The following ANK3 variants were observed in gnomAD, a reference collection of about 807,000 sequenced individuals.
The protein encoded by ANK3 is ankyrin-3.
ANK3 carries 57 observed loss-of-function variants against 370.9 expected under a neutral mutation model. The ratio of observed to expected loss-of-function variants is 0.15; its 90% CI spans 0.12 to 0.19. ANK3 has a LOEUF of 0.19. Among genes scored for constraint, ANK3 ranks in the 10% least tolerant of loss-of-function variants. The pLI is 1.00. For synonymous variants in ANK3, 1,929 were observed against 1,946.3 expected, an observed-to-expected ratio of 0.99 and a Z score of 0.23; for missense variants, 4,439 against 5,302.1, an observed-to-expected ratio of 0.84 and a Z score of 5.06.
intron 2 of ANK3, among the ~76,000 whole-genome samples, chr10:60,540,192 T>A (rs1595236976): frequency 6.6e-6 from 1 of 152,002 alleles, no homozygotes; most frequent in South Asian, 2.1e-4. Context: ...GTTGATCTTG[T>A]TAAATGCTTG....
chr10:60,084,853 G>A (rs2086261847), intron 31 of ANK3, 23 bp from the exon 32 acceptor site: 1 of 1,480,192 alleles, frequency 6.8e-7, no homozygotes, highest in Non-Finnish European at 9.0e-7. Flanking sequence ...AAAAACAGAA[G>A]TATGAAAATG....
At chr10:60,316,585 G>A (rs556749913) in intron 1 of ANK3, among the ~76,000 whole-genome samples, 1 of 152,058 alleles carries the variant, frequency 6.6e-6, no homozygotes, top group South Asian at 2.1e-4. Context: ...TATAAAGTAG[G>A]CACTCAACAA....
intron 1 of ANK3, among the ~76,000 whole-genome samples, chr10:60,709,057 T>C (rs1389217581): frequency 6.6e-6 from 1 of 152,168 alleles, no homozygotes; most frequent in African/African-American, 2.4e-5. Flanking sequence ...CAATTCATTG[T>C]GTCTGGCTAT....
At chr10:60,676,880 A>G (rs2079132689) in intron 1 of ANK3, among the ~76,000 whole-genome samples, 1 of 152,230 alleles carries the variant, frequency 6.6e-6, no homozygotes, top group Non-Finnish European at 1.5e-5. Flanking sequence ...CAAAACAGCT[A>G]AAAGAGAAGA....
At position 60,071,937 on chromosome 10, in the gene ANK3, G is replaced by C. The variant is rs1472479657; in HGVS notation, c.8944C>G (p.Gln2982Glu). 1 of 1,614,036 alleles carries C rather than the reference G, an allele frequency of 6.2e-7. No homozygotes were observed. The highest frequency in any genetic ancestry group is 8.5e-7 in the Non-Finnish European group (1 of 1,179,992). The change falls in exon 37 of 44, where the codon CAG (glutamine) becomes GAG (glutamate). Residue 2982 changes from glutamine (Q) to glutamate (E), a missense_variant. Physicochemically the swap from Gln to Glu is conservative, Grantham distance 29. Transcript: ENST00000280772. The part of the protein sequence containing the change: ...SSNIPDGFCE[Q>E]SAFPKHELSQ... Reference sequence around the variant, plus strand: ...AGTTCATGTTTTGGAAATGCCGACTGTTCACAAAAACCATCGGGAATATTA... The same window carrying C: ...AGTTCATGTTTTGGAAATGCCGACTCTTCACAAAAACCATCGGGAATATTA...
chr10:60,565,232 A>G (rs1439914816), intron 2 of ANK3, among the ~76,000 whole-genome samples: 1 of 152,186 alleles, frequency 6.6e-6, no homozygotes, highest in Non-Finnish European at 1.5e-5. Flanking sequence ...TGGTTTCAGG[A>G]TGAAACTGTT....
intron 2 of ANK3, among the ~76,000 whole-genome samples, chr10:60,586,490 C>A (rs114945006): frequency 6.6e-6 from 1 of 152,192 alleles, no homozygotes; most frequent in African/African-American, 2.4e-5. Flanking sequence ...ATGGAAGATA[C>A]TATACCTTGA....
chr10:60,194,036 G>A (rs1348958353), intron 16 of ANK3, among the ~76,000 whole-genome samples: 2 of 151,964 alleles, frequency 1.3e-5, no homozygotes, highest in African/African-American at 4.8e-5. Flanking sequence ...CAGGAGAATC[G>A]CTTGAACCCA....
intron 8 of ANK3, among the ~76,000 whole-genome samples, chr10:60,224,278 A>G (rs2097104888): frequency 1.3e-5 from 2 of 152,154 alleles, no homozygotes; most frequent in Admixed American, 6.5e-5. Context: ...TCACATAATG[A>G]ACAAGTTTCC....
intron 23 of ANK3, among the ~76,000 whole-genome samples, chr10:60,157,886 A>C (rs200733097): frequency 7.5e-6 from 1 of 132,770 alleles, no homozygotes; most frequent in Non-Finnish European, 1.6e-5. Context: ...GAGAGAGAAA[A>C]AGAGAGAGAG....
intron 28 of ANK3, among the ~76,000 whole-genome samples, chr10:60,104,673 T>C (rs2091921523): frequency 6.6e-6 from 1 of 152,198 alleles, no homozygotes; most frequent in Non-Finnish European, 1.5e-5. Context: ...ATTACTATTC[T>C]CCCTCTACCT....
intron 2 of ANK3, among the ~76,000 whole-genome samples, chr10:60,411,375 T>G (rs1255138335): frequency 6.6e-6 from 1 of 152,234 alleles, no homozygotes; most frequent in Non-Finnish European, 1.5e-5. Flanking sequence ...TTAAGCCAGA[T>G]GAAGTTGTTG....
chr10:60,119,731 C>T (rs556521422), intron 25 of ANK3, among the ~76,000 whole-genome samples: 54 of 152,124 alleles, frequency 3.5e-4, no homozygotes, highest in African/African-American at 1.1e-3. Context: ...GAGATCGTGC[C>T]GTTGCACTCT....
chr10:60,046,567 T>C (rs1172553344), intron 42 of ANK3, among the ~76,000 whole-genome samples: 1 of 152,112 alleles, frequency 6.6e-6, no homozygotes, highest in Admixed American at 6.5e-5. Flanking sequence ...TTGACTTAGA[T>C]TCATTGACTT....
intron 27 of ANK3, among the ~76,000 whole-genome samples, chr10:60,106,576 G>A (rs1188268768): frequency 6.6e-6 from 1 of 151,852 alleles, no homozygotes; most frequent in Non-Finnish European, 1.5e-5. Context: ...TTCATGGCCT[G>A]TACAGTTAAG....
intron 2 of ANK3, among the ~76,000 whole-genome samples, chr10:60,598,596 G>A (rs746556778): frequency 7.9e-5 from 12 of 152,130 alleles, no homozygotes; most frequent in African/African-American, 1.4e-4. Flanking sequence ...TCAAAATTGT[G>A]ACTATATTTA....
At chr10:60,594,190 T>C (rs964771789) in intron 2 of ANK3, among the ~76,000 whole-genome samples, 4 of 152,228 alleles carry the variant, frequency 2.6e-5, no homozygotes, top group Non-Finnish European at 4.4e-5. Flanking sequence ...CATCTACCCA[T>C]ATAGAAATCT....
chr10:60,438,956 A>T (rs556698989), intron 2 of ANK3, among the ~76,000 whole-genome samples: 3 of 152,324 alleles, frequency 2.0e-5, no homozygotes, highest in African/African-American at 7.2e-5. Context: ...AACAAGGTGA[A>T]CCTAGTCTGT....
intron 2 of ANK3, among the ~76,000 whole-genome samples, chr10:60,525,570 A>G (rs2076449550): frequency 6.6e-6 from 1 of 152,126 alleles, no homozygotes; most frequent in Non-Finnish European, 1.5e-5. Context: ...TTACCAAGGA[A>G]ATAAGAGACG....
Sources: gnomAD v4.1 joint callset for allele counts (sites outside exome capture counted in the v4.1 genomes callset) on GRCh38, gnomAD v4.1.1 for gene constraint, MANE v1.5 for transcripts, NCBI Gene and HGNC (gene_info 2026-07-23, HGNC 2026-07-21) for gene names.